The following HEMK2 variants were observed in gnomAD, a reference collection of about 807,000 sequenced individuals.
HEMK2 encodes the protein methyltransferase HEMK2.
At chr21:28,747,950 T>C in the HEMK2 span, among the ~76,000 whole-genome samples, 2 of 152,258 alleles carry the variant, frequency 1.3e-5, no homozygotes, top group Non-Finnish European at 2.9e-5. Context: ...GGCTGTGTAA[T>C]GTTGACATTC....
the HEMK2 span, among the ~76,000 whole-genome samples, chr21:28,796,180 G>A: frequency 2.0e-5 from 3 of 152,168 alleles, no homozygotes; most frequent in Non-Finnish European, 2.9e-5. Context: ...TGTCGCCCAG[G>A]ATGGAGTGCA....
At chr21:28,779,813 C>T in the HEMK2 span, among the ~76,000 whole-genome samples, 2 of 152,168 alleles carry the variant, frequency 1.3e-5, no homozygotes, top group African/African-American at 4.8e-5. Context: ...CAAATACTCA[C>T]CTGAGACTTA....
chr21:28,664,055 A>G, the HEMK2 span, among the ~76,000 whole-genome samples: 1 of 152,232 alleles, frequency 6.6e-6, no homozygotes, highest in Non-Finnish European at 1.5e-5. Flanking sequence ...ATTACAAAAC[A>G]ATAAAGTATA....
chr21:28,592,748 C>T, the HEMK2 span, among the ~76,000 whole-genome samples: 101 of 152,300 alleles, frequency 6.6e-4, no homozygotes, highest in African/African-American at 2.4e-3. Context: ...GAGGAGGAGA[C>T]TGAAAGCTTA....
chr21:28,797,662 A>T, the HEMK2 span, among the ~76,000 whole-genome samples: 1 of 152,096 alleles, frequency 6.6e-6, no homozygotes, highest in Non-Finnish European at 1.5e-5. Context: ...TCCAATTCTC[A>T]GTATTAAAAG....
At chr21:28,612,485 G>T in the HEMK2 span, among the ~76,000 whole-genome samples, 1 of 152,256 alleles carries the variant, frequency 6.6e-6, no homozygotes, top group East Asian at 1.9e-4. Flanking sequence ...TACACTGAAT[G>T]GGAAAAAGTT....
At chr21:28,746,993 G>A in the HEMK2 span, among the ~76,000 whole-genome samples, 1 of 152,212 alleles carries the variant, frequency 6.6e-6, no homozygotes, top group Non-Finnish European at 1.5e-5. Flanking sequence ...TTATGGTGCA[G>A]AGAACGTAGA....
the HEMK2 span, among the ~76,000 whole-genome samples, chr21:28,672,061 A>G: frequency 1.2e-4 from 19 of 152,290 alleles, no homozygotes; most frequent in Non-Finnish European, 2.5e-4. Flanking sequence ...TTCAATCACC[A>G]GAGCACATTA....
chr21:28,758,799 G>T, the HEMK2 span, among the ~76,000 whole-genome samples: 1 of 152,156 alleles, frequency 6.6e-6, no homozygotes, highest in East Asian at 1.9e-4. Flanking sequence ...AGGGGAAGCT[G>T]GTGAATAGGC....
the HEMK2 span, among the ~76,000 whole-genome samples, chr21:28,678,421 G>A: frequency 6.6e-6 from 1 of 152,186 alleles, no homozygotes; most frequent in Non-Finnish European, 1.5e-5. Context: ...CGTCTGATTG[G>A]TGTACCTGAA....
the HEMK2 span, among the ~76,000 whole-genome samples, chr21:28,832,619 C>CTA: frequency 6.6e-5 from 10 of 152,182 alleles, no homozygotes; most frequent in Admixed American, 6.5e-4. Context: ...AGTTAAAACT[C>CTA]TCTCTAAACA....
At chr21:28,710,516 G>T in the HEMK2 span, among the ~76,000 whole-genome samples, 1 of 152,184 alleles carries the variant, frequency 6.6e-6, no homozygotes, top group East Asian at 1.9e-4. Context: ...TATGTGTGTG[G>T]ACCACAAATC....
At chr21:28,667,088 T>C in the HEMK2 span, among the ~76,000 whole-genome samples, 1 of 152,176 alleles carries the variant, frequency 6.6e-6, no homozygotes, top group Admixed American at 6.5e-5. Context: ...ATAATTTTCC[T>C]GTAGACTTGT....
the HEMK2 span, among the ~76,000 whole-genome samples, chr21:28,862,604 A>G: frequency 1.3e-5 from 2 of 150,100 alleles, no homozygotes; most frequent in Non-Finnish European, 3.0e-5. Context: ...GCGCCACTGC[A>G]GTCCGCAGTC....
chr21:28,577,711 A>G, the HEMK2 span, among the ~76,000 whole-genome samples: 1 of 152,286 alleles, frequency 6.6e-6, no homozygotes, highest in African/African-American at 2.4e-5. Context: ...TATTGACCTT[A>G]TATTTTTTAA....
the HEMK2 span, among the ~76,000 whole-genome samples, chr21:28,845,781 TTC>T: frequency 6.6e-6 from 1 of 152,112 alleles, no homozygotes; most frequent in East Asian, 1.9e-4. Context: ...CCTTACCAAA[TTC>T]TCTTTTTTTT....
the HEMK2 span, among the ~76,000 whole-genome samples, chr21:28,835,765 T>C: frequency 2.6e-5 from 4 of 152,132 alleles, no homozygotes; most frequent in African/African-American, 9.7e-5. Flanking sequence ...GGGAGAAATA[T>C]TCAAGGAAAT....
At chr21:28,590,938 T>C in the HEMK2 span, among the ~76,000 whole-genome samples, 13 of 152,226 alleles carry the variant, frequency 8.5e-5, no homozygotes, top group Admixed American at 7.2e-4. Flanking sequence ...AGTGAATTTC[T>C]TACCGGTCTA....
At chr21:28,807,593 G>A in the HEMK2 span, among the ~76,000 whole-genome samples, 2 of 152,180 alleles carry the variant, frequency 1.3e-5, no homozygotes, top group Admixed American at 6.5e-5. Context: ...CAGTTAGTGA[G>A]TGCAGGTCAT....
Sources: gnomAD v4.1 joint callset for allele counts (sites outside exome capture counted in the v4.1 genomes callset) on GRCh38, gnomAD v4.1.1 for gene constraint, MANE v1.5 for transcripts, NCBI Gene and HGNC (gene_info 2026-07-23, HGNC 2026-07-21) for gene names.